The following GDPD4 variants were observed in gnomAD, a reference collection of about 807,000 sequenced individuals.
GDPD4 encodes glycerophosphodiester phosphodiesterase domain containing 4, also known as glycerophosphodiester phosphodiesterase 6.
In GDPD4, 60 loss-of-function variants were observed where a neutral mutation model predicts 67.8. That is an observed-to-expected ratio of 0.88 (90% confidence interval 0.72 to 1.10). GDPD4 has a LOEUF of 1.10. Among genes scored for constraint, GDPD4 ranks in the 50% least tolerant of loss-of-function variants. GDPD4 has a pLI of 0.00. For synonymous variants in GDPD4, 212 were observed against 210.9 expected (o/e 1.00, Z -0.04); for missense variants, 623 against 613.9 (o/e 1.01, Z -0.16).
At chr11:77,224,436 T>C (rs1445082189) in intron 16 of GDPD4, 1 of 152,174 alleles carries the variant, frequency 6.6e-6, no homozygotes, top group Non-Finnish European at 1.5e-5. Context: ...GACTTCATCA[T>C]AGATTACACA....
chr11:77,268,015 T>A (rs1167576678), intron 10 of GDPD4, among the ~76,000 whole-genome samples: 4 of 152,170 alleles, frequency 2.6e-5, no homozygotes, highest in Non-Finnish European at 5.9e-5. Flanking sequence ...GGCCTTATTC[T>A]GTAGTTATCT....
At chr11:77,276,852 A>G (rs1959492636) in intron 4 of GDPD4, among the ~76,000 whole-genome samples, 1 of 152,128 alleles carries the variant, frequency 6.6e-6, no homozygotes, top group Admixed American at 6.5e-5. Flanking sequence ...TTTCATGTGT[A>G]TTTCATTTGT....
intron 16 of GDPD4, among the ~76,000 whole-genome samples, chr11:77,227,662 G>A (rs574215299): frequency 6.6e-6 from 1 of 152,330 alleles, no homozygotes; most frequent in African/African-American, 2.4e-5. Flanking sequence ...CTTAGAGGAT[G>A]AAATCTAAAA....
intron 8 of GDPD4, among the ~76,000 whole-genome samples, chr11:77,269,356 GGAA>G (rs1226418258): frequency 1.3e-5 from 2 of 152,226 alleles, no homozygotes; most frequent in Non-Finnish European, 2.9e-5. Flanking sequence ...GGGAAGAAAA[GGAA>G]GGAGAAGGGA....
Position 77,252,194 on chromosome 11 carries a change from C to G in GDPD4, c.864+6192G>C, listed in dbSNP as rs995729954. Among the ~76,000 whole-genome samples, 18 of 151,826 alleles carry G rather than the reference C, an allele frequency of 1.2e-4. No individual in the cohort carries two copies. In the East Asian group the frequency reaches 3.3e-3, roughly 28 times the overall value. ...TCTCCTGTCTCAGCCTTCCAAGTAG[C>G]TGGGACTACAGGCACATGCCACCAC... On this transcript the variant is annotated intron_variant, in intron 11 of 16. Transcript: ENST00000315938.
At chr11:77,266,216 G>C (rs1185951975) in intron 10 of GDPD4, among the ~76,000 whole-genome samples, 1 of 152,128 alleles carries the variant, frequency 6.6e-6, no homozygotes, top group Non-Finnish European at 1.5e-5. Flanking sequence ...AGTATATAAT[G>C]TGCCACATAA....
intron 1 of GDPD4, among the ~76,000 whole-genome samples, chr11:77,294,372 T>C (rs1225075379): frequency 6.6e-6 from 1 of 152,186 alleles, no homozygotes; most frequent in African/African-American, 2.4e-5. Context: ...TAAATGATGA[T>C]TTACAATAGT....
chr11:77,234,529 T>C (rs1003106885), intron 13 of GDPD4, among the ~76,000 whole-genome samples: 2 of 152,204 alleles, frequency 1.3e-5, no homozygotes, highest in Non-Finnish European at 2.9e-5. Context: ...CCCCATTGTC[T>C]ATCATTTCCA....
intron 9 of GDPD4, 24 bp downstream of exon 9, chr11:77,268,900 C>T: frequency 1.2e-6 from 2 of 1,610,008 alleles, no homozygotes; most frequent in Middle Eastern, 1.7e-4. Flanking sequence ...TATTTTCACC[C>T]ATGTTCATCA....
intron 11 of GDPD4, among the ~76,000 whole-genome samples, chr11:77,246,221 G>C (rs1958783104): frequency 6.6e-6 from 1 of 152,196 alleles, no homozygotes; most frequent in Non-Finnish European, 1.5e-5. Flanking sequence ...AGGAGTTTGA[G>C]GCTGCAAGTG....
chr11:77,252,252 C>T (rs970842274), intron 11 of GDPD4, among the ~76,000 whole-genome samples: 5 of 151,782 alleles, frequency 3.3e-5, no homozygotes, highest in Non-Finnish European at 4.4e-5. Flanking sequence ...TTAGTAGAGA[C>T]AGGGTTTCAG....
At chr11:77,281,649 T>A (rs1591574384) in intron 3 of GDPD4, among the ~76,000 whole-genome samples, 1 of 152,308 alleles carries the variant, frequency 6.6e-6, no homozygotes, top group East Asian at 1.9e-4. Context: ...TACAGGAAGC[T>A]CTTGTAAACT....
intron 8 of GDPD4, 36 bp from the exon 9 acceptor site, chr11:77,269,105 AAG>A (rs777633718): frequency 1.3e-6 from 2 of 1,595,522 alleles, no homozygotes; most frequent in Non-Finnish European, 1.7e-6. Flanking sequence ...GTGGGGGAAA[AAG>A]AGATAAAGAG....
chr11:77,279,180 CTACT>C (rs1959635343), intron 4 of GDPD4, 122 bp downstream of exon 4: 2 of 592,374 alleles, frequency 3.4e-6, no homozygotes, highest in East Asian at 5.5e-5. Flanking sequence ...AATCCCAACT[CTACT>C]AAGACAAGAG....
intron 5 of GDPD4, among the ~76,000 whole-genome samples, chr11:77,274,192 C>T (rs2135876556): frequency 6.6e-6 from 1 of 152,284 alleles, no homozygotes; most frequent in African/African-American, 2.4e-5. Flanking sequence ...ATTTTCAAAT[C>T]TATATTCTTT....
chr11:77,265,760 T>A (rs903275461), intron 10 of GDPD4, among the ~76,000 whole-genome samples: 1 of 152,180 alleles, frequency 6.6e-6, no homozygotes, highest in Admixed American at 6.6e-5. Flanking sequence ...ATAGTCAAGA[T>A]ACAGAAAAGT....
At chr11:77,247,346 A>G (rs1958799511) in intron 11 of GDPD4, among the ~76,000 whole-genome samples, 1 of 152,220 alleles carries the variant, frequency 6.6e-6, no homozygotes, top group African/African-American at 2.4e-5. Context: ...AAAAATTGTT[A>G]AAAGAATTTA....
At chr11:77,223,637 G>A (rs987009787) in intron 16 of GDPD4, among the ~76,000 whole-genome samples, 2 of 152,164 alleles carry the variant, frequency 1.3e-5, no homozygotes, top group African/African-American at 4.8e-5. Flanking sequence ...TCCCAGTTAG[G>A]ATACACGGGG....
At chr11:77,235,906 T>C (rs571597797) in intron 13 of GDPD4, among the ~76,000 whole-genome samples, 40 of 149,720 alleles carry the variant, frequency 2.7e-4, no homozygotes, top group African/African-American at 9.1e-4. Context: ...CAGTGAACAA[T>C]GATCACATCA....
Sources: gnomAD v4.1 joint callset for allele counts (sites outside exome capture counted in the v4.1 genomes callset) on GRCh38, gnomAD v4.1.1 for gene constraint, MANE v1.5 for transcripts, NCBI Gene and HGNC (gene_info 2026-07-23, HGNC 2026-07-21) for gene names.